Variants in MFSD1 observed in about 807,000 individuals in gnomAD.
MFSD1 encodes major facilitator superfamily domain containing 1, also known as lysosomal dipeptide transporter MFSD1.
In MFSD1, 59 loss-of-function variants were observed where a neutral mutation model predicts 67.1. That is an observed-to-expected ratio of 0.88 (90% CI 0.71 to 1.09). MFSD1 has a LOEUF of 1.09. MFSD1 is among the 50% of genes least tolerant of loss of function. The pLI is 0.00. For missense variants in MFSD1, 552 were observed against 566.1 expected (o/e 0.97, Z 0.25); for synonymous variants, 213 against 200.3 (o/e 1.06, Z -0.54).
At chr3:158,813,100 T>G (rs1320591200) in intron 6 of MFSD1, among the ~76,000 whole-genome samples, 1 of 151,600 alleles carries the variant, frequency 6.6e-6, no homozygotes, top group African/African-American at 2.4e-5. Flanking sequence ...ATACTAGATA[T>G]TTTACTTTTT....
intron 6 of MFSD1, among the ~76,000 whole-genome samples, chr3:158,811,364 G>T (rs1455981856): frequency 2.0e-5 from 3 of 152,196 alleles, no homozygotes; most frequent in Non-Finnish European, 4.4e-5. Flanking sequence ...CATCCAAGTG[G>T]AAATGTTGAG....
chr3:158,828,048 C>G (rs1288179621), intron 15 of MFSD1, among the ~76,000 whole-genome samples: 1 of 151,780 alleles, frequency 6.6e-6, no homozygotes, highest in African/African-American at 2.4e-5. Context: ...CTGGACTGGG[C>G]TTACCCTTCC....
chr3:158,809,056 G>A (rs1729866826), intron 5 of MFSD1, 123 bp from the exon 6 acceptor site: 1 of 603,766 alleles, frequency 1.7e-6, no homozygotes, highest in Non-Finnish European at 2.8e-6. Context: ...GATTCAAGGG[G>A]AGGGGACAGA....
At chr3:158,814,109 C>A in intron 7 of MFSD1, 42 bp downstream of exon 7, 2 of 1,475,534 alleles carry the variant, frequency 1.4e-6, no homozygotes, top group Non-Finnish European at 1.9e-6. Context: ...CTTCTGAAGG[C>A]TTGTCATAGG....
rs1730951353 is a variant in MFSD1, at chr3:158,826,077, T to A, written c.1336+15T>A. On this transcript the variant is annotated intron_variant, in intron 14 of 15. Coordinates refer to ENST00000415822, the MANE Select transcript of MFSD1 (RefSeq NM_022736.4). The stretch of plus-strand genomic sequence containing the variant: ...TCGTGCCCAGGGTAAGTAGAAGATC[T>A]GATATTTGCTTCTTAAACCGCAGTG... 1 of 1,611,490 alleles carries A rather than the reference T, an allele frequency of 6.2e-7. No individual in the cohort carries two copies. The highest frequency in any genetic ancestry group is 1.3e-5 in the African/African-American group (1 of 74,874).
chr3:158,811,721 G>A (rs547321902), intron 6 of MFSD1, among the ~76,000 whole-genome samples: 1 of 152,232 alleles, frequency 6.6e-6, no homozygotes, highest in Non-Finnish European at 1.5e-5. Flanking sequence ...CACTGCTGAA[G>A]ACTGAGAAGT....
intron 14 of MFSD1, 44 bp downstream of exon 14, chr3:158,826,106 C>T: frequency 1.3e-6 from 2 of 1,551,226 alleles, no homozygotes; most frequent in Non-Finnish European, 1.8e-6. Context: ...CGCAGTGGAT[C>T]ATCTTGTGGG....
chr3:158,827,472 T>G (rs1576918735), intron 15 of MFSD1, 135 bp downstream of exon 15: 2 of 509,806 alleles, frequency 3.9e-6, no homozygotes, highest in South Asian at 6.1e-5. Context: ...TGGAGTGTAG[T>G]GGCATGGTCA....
intron 2 of MFSD1, among the ~76,000 whole-genome samples, chr3:158,804,814 T>C (rs1729644878): frequency 1.3e-5 from 2 of 152,236 alleles, no homozygotes; most frequent in African/African-American, 4.8e-5. Flanking sequence ...TCTGGTTTTG[T>C]ATTGTAAGAA....
At chr3:158,827,985 A>G (rs1424416911) in intron 15 of MFSD1, among the ~76,000 whole-genome samples, 2 of 146,124 alleles carry the variant, frequency 1.4e-5, no homozygotes, top group African/African-American at 5.1e-5. Flanking sequence ...AGAGACAGAG[A>G]TCGATCTATA....
chr3:158,817,280 A>T (rs1576908130), intron 7 of MFSD1, among the ~76,000 whole-genome samples: 1 of 152,292 alleles, frequency 6.6e-6, no homozygotes, highest in East Asian at 1.9e-4. Flanking sequence ...AATAAAGGGT[A>T]TTCAATTAGG....
intron 14 of MFSD1, among the ~76,000 whole-genome samples, chr3:158,826,337 G>A (rs879668962): frequency 5.9e-5 from 9 of 151,886 alleles, no homozygotes; most frequent in Non-Finnish European, 1.3e-4. Context: ...AAGAAATATA[G>A]CATTTAAAAA....
chr3:158,809,321 G>A (rs1159531451), intron 6 of MFSD1, 34 bp downstream of exon 6: 1 of 1,324,476 alleles, frequency 7.6e-7, no homozygotes, highest in Non-Finnish European at 1.1e-6. Flanking sequence ...GAAGCCAAAT[G>A]GAAGCAAAAG....
intron 7 of MFSD1, among the ~76,000 whole-genome samples, chr3:158,817,507 A>G (rs1161253249): frequency 2.0e-5 from 3 of 152,332 alleles, no homozygotes; most frequent in Non-Finnish European, 4.4e-5. Flanking sequence ...CAATTGCTTC[A>G]AAGAGAATAA....
chr3:158,820,088 A>G lies in MFSD1; in HGVS notation c.752-127A>G, dbSNP rs1011888177. 8.2e-5 allele frequency: 49 copies of G among 594,414 alleles called. 1 individual carries two copies. The highest frequency in any genetic ancestry group is 1.2e-4 in the Non-Finnish European group (40 of 338,012). 36.8% of individuals were successfully genotyped at this position (594,414 alleles called of 1,614,324 possible). The stretch of plus-strand genomic sequence containing the variant: ...AAATGATGTTTGTGTAATTTACTAG[A>G]AAAGTATTTTTTTAAGTTGAATTGC... On this transcript the variant is annotated intron_variant, in intron 8 of 15. Coordinates refer to ENST00000415822, the MANE Select transcript of MFSD1 (RefSeq NM_022736.4).
chr3:158,819,418 T>C (rs1730551379), intron 7 of MFSD1: 1 of 358,904 alleles, frequency 2.8e-6, no homozygotes, highest in African/African-American at 2.1e-5. Context: ...TTTTAATCTT[T>C]AACTTTGAAC....
intron 8 of MFSD1, 65 bp from the exon 9 acceptor site, chr3:158,820,150 C>A (rs1202715640): frequency 1.2e-5 from 10 of 805,478 alleles, no homozygotes; most frequent in Admixed American, 2.2e-5. Flanking sequence ...ATAATCTTGA[C>A]TATAGATGAA....
Position 158,827,275 on chromosome 3 carries a change from T to C in MFSD1, c.1337-5T>C. 1 of 1,542,846 alleles carries C rather than the reference T, an allele frequency of 6.5e-7. No homozygotes were observed. Among genetic ancestry groups the C allele is most frequent in the African/African-American group, 1.4e-5 (1 of 71,318 alleles). On this transcript the variant is annotated splice_region_variant and splice_polypyrimidine_tract_variant and intron_variant, in intron 14 of 15. Coordinates refer to ENST00000415822, the MANE Select transcript of MFSD1 (RefSeq NM_022736.4). Reference sequence around the variant, plus strand: ...GGAAAAGATCTATGTTTATTTGTGTTTTAGGTGGGAACCTAAATTATTCTG... The same window carrying C: ...GGAAAAGATCTATGTTTATTTGTGTCTTAGGTGGGAACCTAAATTATTCTG...
chr3:158,814,160 C>A, intron 7 of MFSD1, 93 bp downstream of exon 7: 2 of 917,414 alleles, frequency 2.2e-6, no homozygotes, highest in South Asian at 1.5e-5. Flanking sequence ...GAATTTGTAT[C>A]TACTTTGGTT....
Sources: gnomAD v4.1 joint callset for allele counts (sites outside exome capture counted in the v4.1 genomes callset) on GRCh38, gnomAD v4.1.1 for gene constraint, MANE v1.5 for transcripts, NCBI Gene and HGNC (gene_info 2026-07-23, HGNC 2026-07-21) for gene names.